BIRC6: variants seen among roughly 807,000 people sequenced by gnomAD.
BIRC6 encodes baculoviral IAP repeat containing 6, also known as dual E2 ubiquitin-conjugating enzyme/E3 ubiquitin-protein ligase BIRC6.
Under a neutral mutation model 503.3 loss-of-function variants are expected in BIRC6, and 98 were observed. That is an observed-to-expected ratio of 0.19 (90% CI 0.17 to 0.23). The LOEUF (loss-of-function observed/expected upper bound fraction) is 0.23. Among genes scored for constraint, BIRC6 ranks in the 10% least tolerant of loss-of-function variants. BIRC6 has a pLI of 1.00. For synonymous variants in BIRC6, 2,240 were observed against 2,078.7 expected (o/e 1.08, Z -2.11); for missense variants, 5,360 against 5,806.0 (o/e 0.92, Z 2.50).
At chr2:32,440,237 G>A (rs1016859848) in intron 16 of BIRC6, among the ~76,000 whole-genome samples, 4 of 152,190 alleles carry the variant, frequency 2.6e-5, no homozygotes, top group Non-Finnish European at 5.9e-5. Context: ...GGGAGTAATT[G>A]TTAGCAGATA....
intron 1 of BIRC6, among the ~76,000 whole-genome samples, chr2:32,374,598 G>A (rs561910881): frequency 6.0e-5 from 9 of 150,806 alleles, no homozygotes; most frequent in Non-Finnish European, 1.0e-4. Flanking sequence ...TCAGCCTCCC[G>A]AGTAGCTGGG....
chr2:32,536,424 G>A (rs546998945), intron 61 of BIRC6, among the ~76,000 whole-genome samples: 29 of 152,250 alleles, frequency 1.9e-4, no homozygotes, highest in African/African-American at 7.0e-4. Flanking sequence ...TTCTTCTAGG[G>A]TTTTTATGGT....
At chr2:32,419,747 T>C (rs1558674489) in intron 10 of BIRC6, among the ~76,000 whole-genome samples, 1 of 152,208 alleles carries the variant, frequency 6.6e-6, no homozygotes, top group Non-Finnish European at 1.5e-5. Flanking sequence ...TGTACTGATA[T>C]TCAGAAGGAG....
Position 32,465,134 on chromosome 2 carries a change from C to A in BIRC6, c.5326C>A (p.Gln1776Lys). The change falls in exon 26 of 74, where the codon CAG becomes AAG. Residue 1776 changes from glutamine (Q) to lysine (K), a missense_variant. Gln to Lys is a moderately conservative substitution (Grantham distance 53). Transcript: ENST00000421745. ...ACATTTTCTTCAACCTCCGCCTCAC[C>A]AGTCCATTATTATAGAGCGAATGCA... ...ASHFLQPPPH[Q>K]SIIIERMHSG... 1 of 1,598,940 alleles carries A rather than the reference C, an allele frequency of 6.3e-7. No individual in the cohort carries two copies. The highest frequency in any genetic ancestry group is 8.5e-7 in the Non-Finnish European group (1 of 1,170,536).
At chr2:32,565,081 G>C (rs1314156653) in intron 65 of BIRC6, 5 of 152,238 alleles carry the variant, frequency 3.3e-5, no homozygotes, top group Admixed American at 3.3e-4. Flanking sequence ...TTCTTTTAAA[G>C]AGTATGTACC....
chr2:32,442,947 C>T (rs2045579453), intron 19 of BIRC6, among the ~76,000 whole-genome samples: 2 of 152,206 alleles, frequency 1.3e-5, no homozygotes, highest in East Asian at 3.9e-4. Context: ...GTAGCTAGTA[C>T]TGAGCCATAT....
intron 1 of BIRC6, among the ~76,000 whole-genome samples, chr2:32,363,696 C>G (rs1171712287): frequency 1.3e-5 from 2 of 152,172 alleles, no homozygotes; most frequent in African/African-American, 2.4e-5. Flanking sequence ...TATGAACTCA[C>G]TACTTAAACC....
intron 16 of BIRC6, 84 bp from the exon 17 acceptor site, chr2:32,441,245 T>C: frequency 1.9e-6 from 2 of 1,039,924 alleles, no homozygotes; most frequent in Middle Eastern, 3.2e-4. Context: ...AATTCAGTTA[T>C]TTTCCTTTAT....
intron 66 of BIRC6, chr2:32,590,837 A>G: frequency 1.0e-6 from 1 of 985,922 alleles, no homozygotes; most frequent in South Asian, 4.7e-5. Context: ...CAACGTATGC[A>G]CAAAGCAGCG....
chr2:32,468,186 A>G (rs529814840), intron 28 of BIRC6, 75 bp downstream of exon 28: 1 of 1,452,680 alleles, frequency 6.9e-7, no homozygotes, highest in Non-Finnish European at 9.4e-7. Context: ...AATTCTGTCA[A>G]GAAATGTCTT....
chr2:32,394,432 C>T (rs942237970), intron 5 of BIRC6, among the ~76,000 whole-genome samples: 33 of 151,744 alleles, frequency 2.2e-4, no homozygotes, highest in African/African-American at 6.3e-4. Flanking sequence ...AGCATTTTGT[C>T]CTATGTTGTA....
chr2:32,373,827 C>G (rs955167511), intron 1 of BIRC6, among the ~76,000 whole-genome samples: 2 of 152,124 alleles, frequency 1.3e-5, no homozygotes, highest in African/African-American at 2.4e-5. Flanking sequence ...AGCCAAAAGG[C>G]AGAAGCAACC....
In BIRC6 at chr2:32,524,937, A is replaced by G; in HGVS notation, c.11673A>G (p.Lys3891=). The G allele has an allele frequency of 5.2e-6, 8 of 1,532,050 alleles. No homozygotes were observed. The highest frequency in any genetic ancestry group is 1.4e-5 in the African/African-American group (1 of 71,934). The allele number at this position is 1,532,050 out of a possible 1,614,324, so 94.9% of individuals were successfully genotyped here. A position where few individuals can be genotyped will look rare whatever the true frequency, so the allele number is the denominator to read the frequency against. Residue 3891 remains lysine (K), a synonymous_variant, in exon 58 of 74, where the codon AAA becomes AAG. Transcript: ENST00000421745. ...TAATTAGTGAACAAAAAGATGACAA[A>G]GAAAAGAAAAACCATGAAGAGAAAG... ...AKLISEQKDD[K]EKKNHEEKEK... is the part of the protein sequence containing the mutation.
chr2:32,421,849 G>A (rs1334843229), intron 10 of BIRC6, among the ~76,000 whole-genome samples: 11 of 152,286 alleles, frequency 7.2e-5, no homozygotes, highest in Non-Finnish European at 1.3e-4. Flanking sequence ...ACTTGTATAC[G>A]TGTATGTTTT....
chr2:32,448,432 C>T (rs1231042684), intron 21 of BIRC6, among the ~76,000 whole-genome samples: 21 of 150,976 alleles, frequency 1.4e-4, no homozygotes, highest in Middle Eastern at 6.8e-3. Flanking sequence ...GCGGATCACT[C>T]GCGGTTAGGA....
intron 1 of BIRC6, among the ~76,000 whole-genome samples, chr2:32,372,426 T>G (rs1295679421): frequency 6.6e-6 from 1 of 152,238 alleles, no homozygotes; most frequent in Non-Finnish European, 1.5e-5. Flanking sequence ...CTGCTTGCAC[T>G]TAGCATGATG....
At chr2:32,463,792 G>A (rs1398576349) in intron 24 of BIRC6, among the ~76,000 whole-genome samples, 1 of 152,116 alleles carries the variant, frequency 6.6e-6, no homozygotes, top group Non-Finnish European at 1.5e-5. Context: ...CTAAATTAGG[G>A]GTCTCCAGTC....
intron 5 of BIRC6, among the ~76,000 whole-genome samples, chr2:32,394,854 T>C (rs189022994): frequency 6.6e-6 from 1 of 151,976 alleles, no homozygotes; most frequent in East Asian, 1.9e-4. Context: ...TCTGTCTCTT[T>C]AAAAAAACAA....
Position 32,602,994 on chromosome 2 carries a change from T to G in BIRC6, c.13993-12T>G. ...TTTTTTCAATTCTGTTTATGCTTTTTTCGTTCGTCAGGTTTGTTTAAGCAT... is the reference window on the plus strand; with the variant it reads ...TTTTTTCAATTCTGTTTATGCTTTTGTCGTTCGTCAGGTTTGTTTAAGCAT... On this transcript the variant is annotated splice_polypyrimidine_tract_variant and intron_variant, in intron 70 of 73. Coordinates refer to ENST00000421745, the MANE Select transcript of BIRC6 (RefSeq NM_016252.4). 1 of 1,600,170 alleles carries G rather than the reference T, an allele frequency of 6.2e-7. No homozygotes were observed. The highest frequency in any genetic ancestry group is 2.2e-5 in the East Asian group (1 of 44,674).
Sources: allele counts gnomAD v4.1 joint callset (sites outside exome capture counted in the v4.1 genomes callset), GRCh38; gene constraint gnomAD v4.1.1; transcripts MANE v1.5; gene names NCBI Gene and HGNC (gene_info 2026-07-23, HGNC 2026-07-21).